SPC25: variants seen among roughly 807,000 people sequenced by gnomAD.
SPC25 encodes the protein SPC25 component of NDC80 kinetochore complex, also known as kinetochore protein Spc25.
In SPC25, 22 loss-of-function variants were observed where a neutral mutation model predicts 29.6. That is an observed-to-expected ratio of 0.74 (90% CI 0.53 to 1.06). The LOEUF is 1.06. SPC25 is among the 50% of genes least tolerant of loss of function. SPC25 has a pLI of 0.00. For synonymous variants in SPC25, 91 were observed against 90.4 expected, an observed-to-expected ratio of 1.01 and a Z score of -0.04; for missense variants, 230 against 255.8, an observed-to-expected ratio of 0.90 and a Z score of 0.69.
At chr2:168,862,128 G>A (rs1574345417) in intron 4 of SPC25, 2 of 1,293,430 alleles carry the variant, frequency 1.5e-6, no homozygotes, top group East Asian at 2.3e-5. Context: ...TCTTAGTGTG[G>A]CAGCCTTAAG....
rs370281917 is a variant in SPC25, at chr2:168,889,281, A to G, written c.144T>C (p.Ser48=). ...DSIKAFAEKL[S]VKLKEEERMV... is the part of the protein sequence containing the mutation. The stretch of plus-strand genomic sequence containing the variant: ...TTCGTTCTTCTTCCTTTAATTTCAC[A>G]GACAGCTTTTCTGAAAGAGAAATTG... Residue 48 remains serine (S), a synonymous_variant, in exon 3 of 7, where the codon TCT becomes TCC. Coordinates refer to ENST00000282074, the MANE Select transcript of SPC25 (RefSeq NM_020675.4). The G allele has an allele frequency of 4.2e-5, 67 of 1,613,726 alleles. 1 individual carries two copies. The African/African-American group carries it at 7.9e-4, about 19-fold the overall frequency.
In SPC25 at chr2:168,871,779, CTTTAAA is replaced by C. The variant is rs369597046; in HGVS notation, c.551-230_551-225del. Among the ~76,000 whole-genome samples, 864 of 152,158 alleles carry C rather than the reference CTTTAAA, an allele frequency of 5.7e-3. 10 individuals carry two copies. The highest frequency in any genetic ancestry group is 0.055 in the East Asian group (284 of 5,178). On this transcript the variant is annotated intron_variant, in intron 6 of 6. Transcript: ENST00000282074. ...TCAAATCTTAAGTACTATAATCTTG[CTTTAAA>C]TTTAAACAGATGGCACTGAAGGATC...
rs955977915 is a variant in SPC25 at position 168,890,396 on chromosome 2, C to T, written c.-93G>A. 2.0e-6 allele frequency: 2 copies of T among 985,428 alleles called. No individual in the cohort carries two copies. Among genetic ancestry groups the T allele is most frequent in the African/African-American group, 1.7e-5 (1 of 57,262 alleles). The allele number at this position is 985,428 out of a possible 1,614,324, so 61.0% of individuals were successfully genotyped here. On this transcript the variant is annotated 5_prime_UTR_variant, in exon 1 of 7. Coordinates refer to ENST00000282074, the MANE Select transcript of SPC25 (RefSeq NM_020675.4). Reference sequence around the variant, plus strand: ...CTCTAGCCAACAGCCGGACTCTAGGCTCAGCTCCCGCAGCCCCGCCAACTT... The same window carrying T: ...CTCTAGCCAACAGCCGGACTCTAGGTTCAGCTCCCGCAGCCCCGCCAACTT...
chr2:168,866,346 T>C (rs1445995611), downstream of SPC25, among the ~76,000 whole-genome samples: 1 of 152,286 alleles, frequency 6.6e-6, no homozygotes, highest in East Asian at 1.9e-4. Flanking sequence ...ATCTGATCTT[T>C]GACAAACCTG....
In SPC25 at chr2:168,862,124, T is replaced by G. The variant is rs920817849; in HGVS notation, n.419+11461A>C. On this transcript the variant is annotated intron_variant and non_coding_transcript_variant, in intron 4 of 4. Transcript: ENST00000479309. ...TAGCATGAATAAAACCCTGTCTTAG[T>G]GTGGCAGCCTTAAGAGTTACTACCA... is the stretch of plus-strand genomic sequence containing the variant. 6 of 1,328,234 alleles carry G rather than the reference T, an allele frequency of 4.5e-6. No homozygotes were observed. The African/African-American group carries it at 8.6e-5, about 19-fold the overall frequency. The allele number at this position is 1,328,234 out of a possible 1,614,324, so 82.3% of individuals were successfully genotyped here. A position where few individuals can be genotyped will look rare whatever the true frequency, so the allele number is the denominator to read the frequency against.
intron 6 of SPC25, 24 bp downstream of exon 6, chr2:168,873,561 C>T (rs1690033072): frequency 6.7e-7 from 1 of 1,502,434 alleles, no homozygotes; most frequent in Admixed American, 1.7e-5. Flanking sequence ...TCTTAAATAC[C>T]AGTTAGGAGA....
At position 168,885,090 on chromosome 2, in the gene SPC25, G is replaced by A. The variant is rs756612151; in HGVS notation, c.199+4136C>T. ...ATATATCCATTGCCTATCAGATATCGCCACCTGAAGACTTGCTGCACAATA... is the reference window on the plus strand; with the variant it reads ...ATATATCCATTGCCTATCAGATATCACCACCTGAAGACTTGCTGCACAATA... On this transcript the variant is annotated intron_variant, in intron 3 of 6. Coordinates refer to ENST00000282074, the MANE Select transcript of SPC25 (RefSeq NM_020675.4). Among the ~76,000 whole-genome samples the A allele has an allele frequency of 2.2e-4, 34 of 152,178 alleles. 1 individual carries two copies. Among genetic ancestry groups the A allele is most frequent in the Admixed American group, 7.2e-4 (11 of 15,286 alleles).
At chr2:168,871,932 C>G (rs1224064869) in intron 6 of SPC25, among the ~76,000 whole-genome samples, 1 of 149,590 alleles carries the variant, frequency 6.7e-6, no homozygotes, top group Non-Finnish European at 1.5e-5. Context: ...TTTGGTCTGA[C>G]TGACTTTTCA....
chr2:168,888,972 T>TATATAC (rs572773262), intron 3 of SPC25, among the ~76,000 whole-genome samples: 2,066 of 103,234 alleles, frequency 0.02, 180 homozygotes, highest in East Asian at 0.045. Flanking sequence ...TATATATATA[T>TATATAC]ACACACACAC....
At chr2:168,866,301 A>G (rs890419556), downstream of SPC25, among the ~76,000 whole-genome samples, 3 of 152,304 alleles carry the variant, frequency 2.0e-5, no homozygotes, top group African/African-American at 7.2e-5. Flanking sequence ...GGAACAGAAC[A>G]GAGCCCTCAG....
intron 4 of SPC25, among the ~76,000 whole-genome samples, chr2:168,861,674 T>TGCAATTACTATTATTATA (rs1423753085): frequency 6.6e-6 from 1 of 152,194 alleles, no homozygotes; most frequent in Non-Finnish European, 1.5e-5. Flanking sequence ...AAAACATGCA[T>TGCAATTACTATTATTATA]GCAATTACTA....
At chr2:168,885,152 C>T (rs942739174) in intron 3 of SPC25, among the ~76,000 whole-genome samples, 3 of 152,168 alleles carry the variant, frequency 2.0e-5, no homozygotes, top group African/African-American at 7.2e-5. Context: ...TAAAATTGAA[C>T]CCACATATGT....
chr2:168,878,857 T>C (rs1690130243), intron 3 of SPC25, among the ~76,000 whole-genome samples: 1 of 152,232 alleles, frequency 6.6e-6, no homozygotes, highest in Admixed American at 6.5e-5. Flanking sequence ...TTGGAGATAT[T>C]GCAAGTTCTA....
chr2:168,863,466 G>A lies in SPC25; in HGVS notation n.419+10119C>T, dbSNP rs955695497. 1.9e-5 allele frequency: 19 copies of A among 984,986 alleles called. No homozygotes were observed. The African/African-American group carries it at 2.3e-4, about 12-fold the overall frequency. 61.0% of individuals were successfully genotyped at this position (984,986 alleles called of 1,614,324 possible). The stretch of plus-strand genomic sequence containing the variant: ...TAAAAAGTAGCTCTTGGATCCTGAC[G>A]GGGGCAGATGATCCTGAAGGGGGCA... On this transcript the variant is annotated intron_variant and non_coding_transcript_variant, in intron 4 of 4. Transcript: ENST00000479309.
Position 168,876,067 on chromosome 2 carries a change from C to G in SPC25, c.451+5G>C. The G allele has an allele frequency of 6.7e-7, 1 of 1,491,174 alleles. No homozygotes were observed. Among genetic ancestry groups the G allele is most frequent in the South Asian group, 1.4e-5 (1 of 71,768 alleles). 92.4% of individuals were successfully genotyped at this position (1,491,174 alleles called of 1,614,324 possible). A position where few individuals can be genotyped will look rare whatever the true frequency, so the allele number is the denominator to read the frequency against. On this transcript the variant is annotated splice_donor_5th_base_variant and intron_variant, in intron 5 of 6. Transcript: ENST00000282074. ...CCTATATTTTATTTATATTAACAAA[C>G]TTACCATAAATTTTTCGAATTTCTA...
downstream of SPC25, among the ~76,000 whole-genome samples, chr2:168,868,209 G>A (rs1253820870): frequency 6.6e-6 from 1 of 152,212 alleles, no homozygotes; most frequent in Non-Finnish European, 1.5e-5. Context: ...AAAGCAGTGT[G>A]TAGAGGGAAA....
rs375198489 is a variant in SPC25, at chr2:168,888,924, C to CGTGT, written c.199+298_199+301dup. On this transcript the variant is annotated intron_variant, in intron 3 of 6. Coordinates refer to ENST00000282074, the MANE Select transcript of SPC25 (RefSeq NM_020675.4). ...TTACAGGCATGAGCCACTACATGTA[C>CGTGT]GTGTGTGTGTGTGTGTGTGTGTGTG... Among the ~76,000 whole-genome samples the CGTGT allele has an allele frequency of 9.9e-3, 866 of 87,492 alleles. 44 individuals are homozygous for CGTGT. Among genetic ancestry groups the CGTGT allele is most frequent in the East Asian group, 0.085 (198 of 2,342 alleles). The allele number at this position is 87,492 out of a possible 152,430, so 57.4% of individuals were successfully genotyped here. A position where few individuals can be genotyped will look rare whatever the true frequency, so the allele number is the denominator to read the frequency against.
intron 4 of SPC25, chr2:168,863,390 G>A (rs1192708854): frequency 1.0e-6 from 1 of 984,212 alleles, no homozygotes; most frequent in Non-Finnish European, 1.2e-6. Context: ...GAAAGTTGCT[G>A]AGGAAAAGAG....
chr2:168,864,917 G>T, intron 4 of SPC25: 2 of 1,614,082 alleles, frequency 1.2e-6, no homozygotes, highest in Non-Finnish European at 1.7e-6. Context: ...TTTTCCTGCC[G>T]CTTATGTGGA....
Sources: gnomAD v4.1 joint callset for allele counts (sites outside exome capture counted in the v4.1 genomes callset) on GRCh38, gnomAD v4.1.1 for gene constraint, MANE v1.5 for transcripts, NCBI Gene and HGNC (gene_info 2026-07-23, HGNC 2026-07-21) for gene names.